The following PCDH15 variants were observed in gnomAD, a reference collection of about 807,000 sequenced individuals.
PCDH15 encodes protocadherin related 15.
A neutral mutation model predicts 178.5 loss-of-function variants in PCDH15; 129 were observed. That is an observed-to-expected ratio of 0.72 (90% CI 0.63 to 0.84). The LOEUF is 0.84. Among genes scored for constraint, PCDH15 ranks in the 40% least tolerant of loss-of-function variants. The pLI is 0.00. For missense variants in PCDH15, 2,230 were observed against 2,099.9 expected (o/e 1.06, Z -1.21); for synonymous variants, 800 against 732.0 (o/e 1.09, Z -1.50).
intron 2 of PCDH15, among the ~76,000 whole-genome samples, chr10:54,908,994 G>T (rs1030322670): frequency 3.9e-5 from 6 of 152,018 alleles, no homozygotes; most frequent in African/African-American, 1.4e-4. Context: ...ACTTCTCTCT[G>T]CTAGGCAGGT....
In PCDH15 at chr10:53,843,639, T is replaced by C. The variant is rs1483197939; in HGVS notation, c.3807-3143A>G. On this transcript the variant is annotated intron_variant, in intron 28 of 37. Transcript: ENST00000644397. Reference sequence around the variant, plus strand: ...TAATGGGAATAAAAGAACAATATAGTTATATTTTTAAAAAATCTCCTTAAC... The same window carrying C: ...TAATGGGAATAAAAGAACAATATAGCTATATTTTTAAAAAATCTCCTTAAC... Among the ~76,000 whole-genome samples the C allele has an allele frequency of 4.6e-5, 7 of 152,070 alleles. No homozygotes were observed. The East Asian group carries it at 1.3e-3, about 29-fold the overall frequency.
At position 55,280,540 on chromosome 10, in the gene PCDH15, C is replaced by T. The variant is rs916188577; in HGVS notation, c.-156+39059G>A. Among the ~76,000 whole-genome samples, 31 of 150,106 alleles carry T rather than the reference C, an allele frequency of 2.1e-4. 1 individual carries two copies. Among genetic ancestry groups the T allele is most frequent in the Admixed American group, 4.0e-4 (6 of 15,032 alleles). ...CTGACCTCAGGTGATCCACCCCCCT[C>T]GGCCTCCCAAAGTGCTGGGATTACA... On this transcript the variant is annotated intron_variant, in intron 1 of 5. Transcript: ENST00000458638.
rs188770922 is a variant in PCDH15 at position 55,360,477 on chromosome 10, A to T, written c.-155-193826T>A. The stretch of plus-strand genomic sequence containing the variant: ...CAAGCCACAGAATGGGAGGAAAAAA[A>T]TTGTATATCTAGGAAACATATGTAA... On this transcript the variant is annotated intron_variant, in intron 2 of 5. Transcript: ENST00000613346. Among the ~76,000 whole-genome samples, 350 of 152,064 alleles carry T rather than the reference A, an allele frequency of 2.3e-3. 1 individual carries two copies. Among genetic ancestry groups the T allele is most frequent in the African/African-American group, 7.8e-3 (326 of 41,548 alleles).
intron 2 of PCDH15, among the ~76,000 whole-genome samples, chr10:55,001,185 A>C (rs1015426155): frequency 6.6e-6 from 1 of 152,136 alleles, no homozygotes; most frequent in Non-Finnish European, 1.5e-5. Flanking sequence ...ACCTGCCTGC[A>C]GAAAGAAGCT....
chr10:55,258,263 T>C (rs997670544), intron 1 of PCDH15, among the ~76,000 whole-genome samples: 1 of 152,176 alleles, frequency 6.6e-6, no homozygotes, highest in South Asian at 2.1e-4. Flanking sequence ...TGATAAAATA[T>C]TAATTAGTTT....
At chr10:54,889,498 A>AAG (rs759052012) in intron 3 of PCDH15, among the ~76,000 whole-genome samples, 6,318 of 24,182 alleles carry the variant, frequency 0.26, 230 homozygotes, top group South Asian at 0.49. Context: ...GCTAATTGTG[A>AAG]AGATATATAT....
intron 2 of PCDH15, among the ~76,000 whole-genome samples, chr10:54,617,323 G>A (rs1402463520): frequency 6.6e-6 from 1 of 152,092 alleles, no homozygotes; most frequent in East Asian, 1.9e-4. Context: ...CTTGTAAGAT[G>A]TAAAATGTAG....
intron 2 of PCDH15, among the ~76,000 whole-genome samples, chr10:54,957,528 A>G (rs1308603683): frequency 6.6e-6 from 1 of 151,628 alleles, no homozygotes; most frequent in Admixed American, 6.6e-5. Context: ...AAAATAAATA[A>G]GAAAAATCCC....
intron 3 of PCDH15, among the ~76,000 whole-genome samples, chr10:54,519,003 AT>A (rs2082541049): frequency 6.6e-6 from 1 of 152,234 alleles, no homozygotes. Flanking sequence ...CTTTGACAAA[AT>A]TCAACAATCC....
chr10:54,152,105 G>A (rs969430053), intron 14 of PCDH15, among the ~76,000 whole-genome samples: 1 of 152,124 alleles, frequency 6.6e-6, no homozygotes, highest in African/African-American at 2.4e-5. Flanking sequence ...GTATTTGACT[G>A]GAAAGAACTA....
At chr10:55,153,115 G>T (rs905896533) in intron 2 of PCDH15, among the ~76,000 whole-genome samples, 1 of 152,092 alleles carries the variant, frequency 6.6e-6, no homozygotes, top group African/African-American at 2.4e-5. Flanking sequence ...TTATTTTCAA[G>T]ACGTATCATT....
chr10:54,031,036 A>G (rs1273924962), intron 18 of PCDH15, among the ~76,000 whole-genome samples: 1 of 152,048 alleles, frequency 6.6e-6, no homozygotes, highest in Non-Finnish European at 1.5e-5. Flanking sequence ...GCAGCTTTTA[A>G]CGCTTCTGCT....
chr10:55,152,423 A>T (rs541687138), intron 2 of PCDH15, among the ~76,000 whole-genome samples: 1 of 152,318 alleles, frequency 6.6e-6, no homozygotes, highest in South Asian at 2.1e-4. Context: ...ATAATTACTC[A>T]ATTCATTTTA....
At chr10:55,358,748 C>T (rs974222678) in intron 2 of PCDH15, among the ~76,000 whole-genome samples, 33 of 150,442 alleles carry the variant, frequency 2.2e-4, no homozygotes, top group Non-Finnish European at 3.8e-4. Context: ...CCACTGACAC[C>T]GCAACTACAT....
intron 9 of PCDH15, among the ~76,000 whole-genome samples, chr10:54,227,776 A>G (rs935776693): frequency 2.9e-4 from 44 of 152,124 alleles, no homozygotes; most frequent in Admixed American, 2.2e-3. Flanking sequence ...CTACTTAGAA[A>G]TTTCTTCCAC....
intron 2 of PCDH15, among the ~76,000 whole-genome samples, chr10:55,119,471 G>A (rs1261676597): frequency 6.7e-6 from 1 of 150,292 alleles, no homozygotes. Flanking sequence ...CTACTGAGAC[G>A]AGGAAGTTAG....
chr10:54,930,663 T>A (rs1010276510), intron 2 of PCDH15, among the ~76,000 whole-genome samples: 5 of 152,186 alleles, frequency 3.3e-5, no homozygotes, highest in African/African-American at 1.2e-4. Context: ...CTTATAGAAA[T>A]AATAAACCTT....
chr10:55,261,507 A>G (rs937331194), intron 1 of PCDH15, among the ~76,000 whole-genome samples: 1 of 152,182 alleles, frequency 6.6e-6, no homozygotes, highest in Non-Finnish European at 1.5e-5. Context: ...CCAATGTATT[A>G]GCATGTATTT....
At chr10:55,610,765 T>C (rs1046261136) in intron 2 of PCDH15, among the ~76,000 whole-genome samples, 21 of 152,042 alleles carry the variant, frequency 1.4e-4, no homozygotes, top group African/African-American at 4.6e-4. Context: ...GTCATCAAAA[T>C]GTCTAAAGAT....
Sources: gnomAD v4.1 joint callset for allele counts (sites outside exome capture counted in the v4.1 genomes callset) on GRCh38, gnomAD v4.1.1 for gene constraint, MANE v1.5 for transcripts, NCBI Gene and HGNC (gene_info 2026-07-23, HGNC 2026-07-21) for gene names.